AGBL4: variants seen among roughly 807,000 people sequenced by gnomAD.
The protein encoded by AGBL4 is cytosolic carboxypeptidase 6.
A neutral mutation model predicts 66.4 loss-of-function variants in AGBL4; 58 were observed. The observed-to-expected ratio is 0.87, with a 90% CI of 0.71 to 1.09. AGBL4 has a LOEUF of 1.09. Among genes scored for constraint, AGBL4 ranks in the 50% least tolerant of loss-of-function variants. The pLI, the probability that AGBL4 is intolerant of heterozygous loss-of-function variation, is 0.00. For synonymous variants in AGBL4, 234 were observed against 222.9 expected, an observed-to-expected ratio of 1.05 and a Z score of -0.44; for missense variants, 579 against 631.0, an observed-to-expected ratio of 0.92 and a Z score of 0.88.
intron 4 of AGBL4, among the ~76,000 whole-genome samples, chr1:49,181,988 G>A (rs953469738): frequency 1.3e-5 from 2 of 152,220 alleles, no homozygotes; most frequent in South Asian, 2.1e-4. Context: ...TCAGCAGGAC[G>A]TAGGCAGTGG....
At chr1:48,786,638 G>A (rs1170130411) in intron 6 of AGBL4, among the ~76,000 whole-genome samples, 1 of 152,170 alleles carries the variant, frequency 6.6e-6, no homozygotes, top group Non-Finnish European at 1.5e-5. Flanking sequence ...ATTATCTGTG[G>A]TTTCTTAAAT....
intron 3 of AGBL4, among the ~76,000 whole-genome samples, chr1:49,575,744 C>A (rs1400916485): frequency 1.3e-5 from 2 of 152,206 alleles, no homozygotes; most frequent in African/African-American, 4.8e-5. Flanking sequence ...TTGGCAAATG[C>A]CTTTTTCTCC....
At chr1:48,590,739 G>A (rs1222349656) in intron 10 of AGBL4, 94 bp downstream of exon 10, 23 of 1,380,458 alleles carry the variant, frequency 1.7e-5, no homozygotes, top group East Asian at 5.0e-5. Context: ...TAGGTGTCCC[G>A]TGGAGCTTAA....
intron 4 of AGBL4, among the ~76,000 whole-genome samples, chr1:49,178,136 G>C (rs958477233): frequency 6.6e-6 from 1 of 152,124 alleles, no homozygotes; most frequent in South Asian, 2.1e-4. Context: ...ATTTAAGCTG[G>C]AATCCTAATT....
intron 4 of AGBL4, among the ~76,000 whole-genome samples, chr1:49,080,208 A>G (rs1039986883): frequency 6.6e-6 from 1 of 152,194 alleles, no homozygotes; most frequent in Non-Finnish European, 1.5e-5. Flanking sequence ...TAGAGTCCCA[A>G]CAGGAAACTA....
At chr1:49,563,113 C>T (rs548602657) in intron 3 of AGBL4, among the ~76,000 whole-genome samples, 1 of 151,946 alleles carries the variant, frequency 6.6e-6, no homozygotes, top group Non-Finnish European at 1.5e-5. Context: ...CTCTGTTTGT[C>T]TGTTATTGGT....
chr1:49,473,495 T>C (rs559219642), intron 3 of AGBL4, among the ~76,000 whole-genome samples: 1 of 152,062 alleles, frequency 6.6e-6, no homozygotes, highest in Non-Finnish European at 1.5e-5. Flanking sequence ...AGATGTTTGG[T>C]TTTTGCTTGT....
intron 4 of AGBL4, among the ~76,000 whole-genome samples, chr1:49,057,796 A>C (rs1487669080): frequency 2.0e-5 from 3 of 151,958 alleles, no homozygotes; most frequent in Non-Finnish European, 4.4e-5. Flanking sequence ...GTGGGTAGGG[A>C]CAGTATCTAT....
At chr1:48,767,122 T>C (rs957470013) in intron 6 of AGBL4, among the ~76,000 whole-genome samples, 4 of 152,210 alleles carry the variant, frequency 2.6e-5, no homozygotes, top group Admixed American at 2.6e-4. Context: ...TGGCCCAGTA[T>C]CTAGCAAAAA....
At chr1:49,877,840 T>A (rs1647068091) in intron 1 of AGBL4, among the ~76,000 whole-genome samples, 2 of 151,854 alleles carry the variant, frequency 1.3e-5, no homozygotes. Flanking sequence ...TTTCAGCTCC[T>A]GTTATTGGTC....
At chr1:49,843,034 T>C (rs1345439581) in intron 2 of AGBL4, among the ~76,000 whole-genome samples, 1 of 152,190 alleles carries the variant, frequency 6.6e-6, no homozygotes, top group East Asian at 1.9e-4. Flanking sequence ...CCCAGCCCAC[T>C]GACAGGCAAT....
chr1:48,942,309 G>T (rs1046067500), intron 5 of AGBL4, among the ~76,000 whole-genome samples: 5 of 82,562 alleles, frequency 6.1e-5, no homozygotes, highest in Non-Finnish European at 1.6e-4. Context: ...AATTATTGTG[G>T]TGGGGGGGGG....
intron 4 of AGBL4, among the ~76,000 whole-genome samples, chr1:49,212,851 T>C (rs1429005454): frequency 1.3e-5 from 2 of 152,148 alleles, no homozygotes; most frequent in Non-Finnish European, 2.9e-5. Flanking sequence ...AGCATCTAGG[T>C]TAATTGTAAG....
chr1:48,680,371 CTTAT>C (rs943116815), intron 6 of AGBL4, among the ~76,000 whole-genome samples: 2 of 152,112 alleles, frequency 1.3e-5, no homozygotes, highest in African/African-American at 4.8e-5. Context: ...TTTTTGTTTG[CTTAT>C]TTGTTTTCCT....
rs113066315 is a variant in AGBL4, at chr1:49,779,733, A to C, written c.157+71663T>G. ...TGTAGGGAATGCAGTTTTCCCCATG[A>C]AGCTTGCCAGGAAAATCCTTATAAT... On this transcript the variant is annotated intron_variant, in intron 2 of 13. Transcript: ENST00000371839. Among the ~76,000 whole-genome samples, 272 of 152,202 alleles carry C rather than the reference A, an allele frequency of 1.8e-3. 3 individuals are homozygous for C. The highest frequency in any genetic ancestry group is 6.1e-3 in the African/African-American group (254 of 41,520).
intron 11 of AGBL4, chr1:48,586,382 A>C (rs1644819946): frequency 6.6e-6 from 1 of 152,382 alleles, no homozygotes; most frequent in Non-Finnish European, 1.5e-5. Flanking sequence ...GAGAGAAAGA[A>C]AAGGAGGATG....
chr1:49,463,157 A>G (rs191148468), intron 3 of AGBL4, among the ~76,000 whole-genome samples: 1 of 151,708 alleles, frequency 6.6e-6, no homozygotes, highest in Non-Finnish European at 1.5e-5. Flanking sequence ...CATTTTATAG[A>G]TGGAAAAATA....
chr1:50,005,048 G>A (rs540075229), intron 1 of AGBL4, among the ~76,000 whole-genome samples: 8 of 152,206 alleles, frequency 5.3e-5, no homozygotes, highest in Non-Finnish European at 7.4e-5. Context: ...CAGACCTGCC[G>A]GGGAATGGGA....
chr1:49,889,897 G>C (rs1648463968), intron 1 of AGBL4, among the ~76,000 whole-genome samples: 1 of 152,178 alleles, frequency 6.6e-6, no homozygotes, highest in African/African-American at 2.4e-5. Context: ...TGAATGAATG[G>C]ATGAATAAGT....
Sources: gnomAD v4.1 joint callset for allele counts (sites outside exome capture counted in the v4.1 genomes callset) on GRCh38, gnomAD v4.1.1 for gene constraint, MANE v1.5 for transcripts, NCBI Gene and HGNC (gene_info 2026-07-23, HGNC 2026-07-21) for gene names.